Variants in NDUFAF6 observed in about 807,000 individuals in gnomAD.
NDUFAF6 encodes the protein NADH:ubiquinone oxidoreductase complex assembly factor 6, also known as NADH dehydrogenase (ubiquinone) complex I, assembly factor 6.
A neutral mutation model predicts 40.8 loss-of-function variants in NDUFAF6; 45 were observed. That is an observed-to-expected ratio of 1.10 (90% CI 0.87 to 1.42). NDUFAF6 has a LOEUF of 1.42. NDUFAF6 is among the 40% of genes most tolerant of loss of function. NDUFAF6 has a pLI of 0.00. For synonymous variants in NDUFAF6, 185 were observed against 155.9 expected, an observed-to-expected ratio of 1.19 and a Z score of -1.39; for missense variants, 435 against 418.5, an observed-to-expected ratio of 1.04 and a Z score of -0.34.
chr8:95,057,332 C>T (rs898736872), intron 8 of NDUFAF6, among the ~76,000 whole-genome samples: 1 of 152,080 alleles, frequency 6.6e-6, no homozygotes, highest in Non-Finnish European at 1.5e-5. Context: ...ATAATTTTGC[C>T]TGGTTGAAAA....
intron 2 of NDUFAF6, chr8:95,085,685 T>TAAAG (rs1809024647): frequency 6.7e-6 from 1 of 148,634 alleles, no homozygotes; most frequent in East Asian, 1.9e-4. Flanking sequence ...AAAAAAAAAT[T>TAAAG]TTAAGAGATA....
chr8:94,901,878 C>T (rs1328858629), intron 1 of NDUFAF6, among the ~76,000 whole-genome samples: 1 of 152,156 alleles, frequency 6.6e-6, no homozygotes, highest in East Asian at 1.9e-4. Flanking sequence ...AGCCACTGTG[C>T]CCAGCCTTTT....
At position 95,045,253 on chromosome 8, in the gene NDUFAF6, G is replaced by A. The variant is rs10090057; in HGVS notation, c.478-292G>A. ...TCTAAAGTGCCTATGTAAGAGCTCA[G>A]TAAAGTCAGTTTATTTTGATAACTT... On this transcript the variant is annotated intron_variant, in intron 4 of 8. Transcript: ENST00000396124. 0.03 allele frequency among the ~76,000 whole-genome samples: 4,636 copies of A among 152,222 alleles called. 240 individuals are homozygous for A. The highest frequency in any genetic ancestry group is 0.1 in the African/African-American group (4,311 of 41,506).
chr8:94,984,113 T>A (rs955457013), intron 2 of NDUFAF6: 1 of 152,226 alleles, frequency 6.6e-6, no homozygotes, highest in Non-Finnish European at 1.5e-5. Context: ...CCAAGCTCCT[T>A]ACGTGCAGAA....
chr8:94,935,462 T>C (rs1820889337), intron 1 of NDUFAF6, among the ~76,000 whole-genome samples: 1 of 152,196 alleles, frequency 6.6e-6, no homozygotes, highest in African/African-American at 2.4e-5. Context: ...TGTCTGTAAA[T>C]TCGGGGAAAC....
chr8:95,011,705 A>G (rs1827234643), intron 2 of NDUFAF6, among the ~76,000 whole-genome samples: 1 of 152,188 alleles, frequency 6.6e-6, no homozygotes, highest in African/African-American at 2.4e-5. Context: ...ACTTTATTCA[A>G]TATTCATGCC....
At chr8:94,914,245 A>C (rs1451270819) in intron 1 of NDUFAF6, among the ~76,000 whole-genome samples, 2 of 149,470 alleles carry the variant, frequency 1.3e-5, no homozygotes, top group African/African-American at 4.9e-5. Flanking sequence ...TAGTCTTCTT[A>C]TTAGTGAAAT....
At chr8:95,039,471 T>A (rs1315556877) in intron 3 of NDUFAF6, among the ~76,000 whole-genome samples, 4 of 145,710 alleles carry the variant, frequency 2.7e-5, no homozygotes, top group Non-Finnish European at 6.0e-5. Context: ...AAAGGGGGGG[T>A]TTCACTGTGT....
downstream of NDUFAF6, among the ~76,000 whole-genome samples, chr8:95,104,000 G>T (rs1018169159): frequency 6.6e-6 from 1 of 152,040 alleles, no homozygotes; most frequent in African/African-American, 2.4e-5. Context: ...TCCAACCACT[G>T]CTTCTTCGGG....
chr8:95,078,030 C>A (rs116067299), downstream of NDUFAF6, among the ~76,000 whole-genome samples: 1,260 of 152,134 alleles, frequency 8.3e-3, 21 homozygotes, highest in African/African-American at 0.028. Context: ...ACAGCAGCCA[C>A]GGGACCACAG....
chr8:95,044,079 C>T (rs1830446740), intron 4 of NDUFAF6, among the ~76,000 whole-genome samples: 1 of 152,060 alleles, frequency 6.6e-6, no homozygotes, highest in African/African-American at 2.4e-5. Context: ...GAATAAAGTA[C>T]CAATAGATGA....
At chr8:94,959,489 C>CCCTGACT (rs1823373112) in intron 1 of NDUFAF6, among the ~76,000 whole-genome samples, 1 of 152,010 alleles carries the variant, frequency 6.6e-6, no homozygotes, top group African/African-American at 2.4e-5. Flanking sequence ...TATTTTGAAT[C>CCCTGACT]CCTGACTTAG....
intron 1 of NDUFAF6, among the ~76,000 whole-genome samples, chr8:94,935,998 G>A (rs1449439555): frequency 6.6e-6 from 1 of 152,164 alleles, no homozygotes; most frequent in Admixed American, 6.5e-5. Context: ...AAGCTGGAGT[G>A]GTGGTAGGGA....
intron 2 of NDUFAF6, among the ~76,000 whole-genome samples, chr8:95,004,986 C>A (rs1019058994): frequency 6.6e-6 from 1 of 152,052 alleles, no homozygotes; most frequent in African/African-American, 2.4e-5. Flanking sequence ...AGGGGGGAGT[C>A]AGGTTAATGT....
chr8:95,100,964 C>A (rs911954555), intron 1 of NDUFAF6, among the ~76,000 whole-genome samples: 1 of 152,108 alleles, frequency 6.6e-6, no homozygotes, highest in Admixed American at 6.6e-5. Flanking sequence ...GCTTAATGTT[C>A]CATTTCTTGG....
intron 1 of NDUFAF6, among the ~76,000 whole-genome samples, chr8:95,025,860 C>T (rs1414992705): frequency 6.6e-6 from 1 of 152,146 alleles, no homozygotes; most frequent in Non-Finnish European, 1.5e-5. Context: ...GGGTGTCGCT[C>T]CTTAATCATT....
chr8:95,066,277 T>C (rs534592064), intron 9 of NDUFAF6, among the ~76,000 whole-genome samples: 1 of 144,510 alleles, frequency 6.9e-6, no homozygotes, highest in Admixed American at 7.3e-5. Context: ...ATGCCTGGCT[T>C]GCTTGCTTGC....
At chr8:94,989,687 T>C (rs1358484444) in intron 2 of NDUFAF6, among the ~76,000 whole-genome samples, 2 of 152,206 alleles carry the variant, frequency 1.3e-5, no homozygotes, top group African/African-American at 4.8e-5. Flanking sequence ...TGACAGTGAC[T>C]TGGACTTTTG....
chr8:95,079,774 C>G (rs1187195562), downstream of NDUFAF6, among the ~76,000 whole-genome samples: 1 of 150,620 alleles, frequency 6.6e-6, no homozygotes, highest in Admixed American at 6.6e-5. Context: ...GAGTACAGTG[C>G]TGCAATCTCG....
Sources: gnomAD v4.1 joint callset for allele counts (sites outside exome capture counted in the v4.1 genomes callset) on GRCh38, gnomAD v4.1.1 for gene constraint, MANE v1.5 for transcripts, NCBI Gene and HGNC (gene_info 2026-07-23, HGNC 2026-07-21) for gene names.